Variants in LEO1 observed in about 807,000 individuals in gnomAD.
LEO1 encodes LEO1 component of Paf1/RNA polymerase II complex.
Under a neutral mutation model 80.4 loss-of-function variants are expected in LEO1, and 34 were observed. The ratio of observed to expected loss-of-function variants is 0.42; its 90% CI spans 0.32 to 0.56. The LOEUF is 0.56. Among genes scored for constraint, LEO1 ranks in the 20% least tolerant of loss-of-function variants. The pLI, the probability that LEO1 is intolerant of heterozygous loss-of-function variation, is 0.10. For synonymous variants in LEO1, 262 were observed against 274.9 expected (o/e 0.95, Z 0.46); for missense variants, 631 against 814.2 (o/e 0.77, Z 2.74).
chr15:51,964,785 TC>T (rs2057061731), intron 2 of LEO1, among the ~76,000 whole-genome samples: 1 of 152,168 alleles, frequency 6.6e-6, no homozygotes, highest in African/African-American at 2.4e-5. Flanking sequence ...AATGAAGCAA[TC>T]CAGGTATTTC....
chr15:51,950,581 G>A (rs1174604048), intron 9 of LEO1, among the ~76,000 whole-genome samples: 1 of 152,200 alleles, frequency 6.6e-6, no homozygotes, highest in Non-Finnish European at 1.5e-5. Context: ...GTTAAACCAG[G>A]TTGGGGGTAG....
intron 11 of LEO1, among the ~76,000 whole-genome samples, chr15:51,944,731 T>A (rs533853320): frequency 2.4e-4 from 36 of 150,228 alleles, no homozygotes; most frequent in Non-Finnish European, 5.0e-4. Context: ...ATAGTAATGA[T>A]ATCTTCATAA....
Position 51,966,252 on chromosome 15 carries a change from A to G in LEO1, c.311T>C (p.Val104Ala). ...SDHEDNDPSD[V>A]DQHSGSEAPN... ...GGCTTCTGATCCACTGTGCTGATCT[A>G]CATCTGAGGGGTCATTGTCCTCATG... The change falls in exon 2 of 12, where the codon GTA becomes GCA. Residue 104 changes from valine (V) to alanine (A), a missense_variant. Physicochemically the swap from Val to Ala is moderately conservative, Grantham distance 64. Around this residue, in one of 4 missense-constraint regions of LEO1, gnomAD observed 394 missense variants for 395.6 expected, o/e 1.00. Transcript: ENST00000299601. 6.2e-7 allele frequency: 1 copy of G among 1,614,026 alleles called. No homozygotes were observed. Among genetic ancestry groups the G allele is most frequent in the South Asian group, 1.1e-5 (1 of 91,086 alleles).
chr15:51,967,332 G>A (rs2057085947), intron 1 of LEO1, among the ~76,000 whole-genome samples: 1 of 152,170 alleles, frequency 6.6e-6, no homozygotes. Flanking sequence ...AGTTAGCCAG[G>A]TATGGTGGCG....
chr15:51,946,032 T>C (rs911192230), intron 11 of LEO1, among the ~76,000 whole-genome samples: 1 of 151,754 alleles, frequency 6.6e-6, no homozygotes, highest in Non-Finnish European at 1.5e-5. Context: ...AGACTCTGTC[T>C]TAAAAAAAAA....
intron 9 of LEO1, among the ~76,000 whole-genome samples, chr15:51,950,543 T>A (rs2056941225): frequency 6.6e-6 from 1 of 152,204 alleles, no homozygotes; most frequent in African/African-American, 2.4e-5. Context: ...TCATTTCCTT[T>A]GCACTGCCTG....
intron 10 of LEO1, among the ~76,000 whole-genome samples, chr15:51,947,707 G>A (rs528655930): frequency 1.3e-5 from 2 of 152,300 alleles, no homozygotes; most frequent in East Asian, 1.9e-4. Flanking sequence ...TTATAGGCGT[G>A]AGCCACTGTG....
At chr15:51,943,078 C>A (rs1010579168) in intron 11 of LEO1, among the ~76,000 whole-genome samples, 4 of 151,748 alleles carry the variant, frequency 2.6e-5, no homozygotes, top group Non-Finnish European at 4.4e-5. Context: ...CAAAGTGAGA[C>A]CCTCTGTGTA....
At position 51,938,093 on chromosome 15, in the gene LEO1, A is replaced by T. The variant is rs1248201132; in HGVS notation, c.*63T>A. 5.2e-6 allele frequency: 4 copies of T among 765,194 alleles called. No individual in the cohort carries two copies. The highest frequency in any genetic ancestry group is 8.4e-6 in the Non-Finnish European group (4 of 477,676). The allele number at this position is 765,194 out of a possible 1,614,324, so 47.4% of individuals were successfully genotyped here. ...AAATCGATTCATTTCAATCAAAATA[A>T]CTCATGTTTACATATTTATAACTGT... On this transcript the variant is annotated 3_prime_UTR_variant, in exon 12 of 12. Transcript: ENST00000299601.
intron 2 of LEO1, 150 bp from the exon 3 acceptor site, chr15:51,962,643 TG>T (rs1413007735): frequency 1.7e-6 from 1 of 593,980 alleles, no homozygotes; most frequent in African/African-American, 1.9e-5. Context: ...TGTAACCAAT[TG>T]GATGAATCAA....
chr15:51,939,061 T>G (rs139799429), intron 11 of LEO1, among the ~76,000 whole-genome samples: 433 of 152,286 alleles, frequency 2.8e-3, no homozygotes, highest in Non-Finnish European at 4.3e-3. Context: ...GGCGCACGCC[T>G]GTAATCCCAG....
intron 10 of LEO1, 50 bp downstream of exon 10, chr15:51,949,758 G>T: frequency 5.0e-6 from 7 of 1,408,740 alleles, no homozygotes; most frequent in Non-Finnish European, 5.9e-6. Flanking sequence ...ATGCCAAGAT[G>T]AAGTCCAGAA....
chr15:51,963,659 T>C (rs2057049812), intron 2 of LEO1, among the ~76,000 whole-genome samples: 1 of 152,092 alleles, frequency 6.6e-6, no homozygotes, highest in Non-Finnish European at 1.5e-5. Flanking sequence ...CCCAGCACTT[T>C]GGGAGGCCAA....
intron 11 of LEO1, among the ~76,000 whole-genome samples, chr15:51,940,275 A>G (rs2056838372): frequency 7.8e-6 from 1 of 128,500 alleles, no homozygotes; most frequent in Non-Finnish European, 1.6e-5. Flanking sequence ...AAAAAAAAAA[A>G]AAAGGTTGGG....
intron 3 of LEO1, among the ~76,000 whole-genome samples, chr15:51,962,135 C>A (rs1052738466): frequency 1.3e-5 from 2 of 149,464 alleles, no homozygotes; most frequent in African/African-American, 2.5e-5. Flanking sequence ...TGCACTCCAG[C>A]GTGGGTGACA....
chr15:51,968,801 C>T (rs1354523129), intron 1 of LEO1, among the ~76,000 whole-genome samples: 1 of 151,858 alleles, frequency 6.6e-6, no homozygotes, highest in Admixed American at 6.6e-5. Context: ...TGCACTCCAG[C>T]CTGGGCGACA....
intron 8 of LEO1, 21 bp downstream of exon 8, chr15:51,953,108 C>CACA (rs774375847): frequency 6.3e-7 from 1 of 1,593,282 alleles, no homozygotes; most frequent in South Asian, 1.1e-5. Flanking sequence ...AGAAATAATA[C>CACA]ATAATAATAA....
chr15:51,956,011 G>A (rs188614168), intron 6 of LEO1, among the ~76,000 whole-genome samples: 2 of 152,302 alleles, frequency 1.3e-5, no homozygotes, highest in Admixed American at 6.5e-5. Context: ...ACATGAAAGA[G>A]TTCATTATAT....
Position 51,962,424 on chromosome 15 carries a change from T to A in LEO1, c.884A>T (p.Asp295Val). 1.2e-6 allele frequency: 2 copies of A among 1,613,730 alleles called. No homozygotes were observed. The highest frequency in any genetic ancestry group is 1.7e-6 in the Non-Finnish European group (2 of 1,179,780). Reference protein sequence around the residue: ...RMKRKNAIASDSEADSDTEVP... With the variant: ...RMKRKNAIASVSEADSDTEVP... ...CTCAGTGTCACTATCCGCTTCTGAA[T>A]CAGATGCAATCGCATTCTTGCGTTT... Residue 295 changes from aspartate to valine, a missense_variant, in exon 3 of 12, where the codon GAT becomes GTT. Coordinates refer to ENST00000299601, the MANE Select transcript of LEO1 (RefSeq NM_138792.4).
Sources: allele counts gnomAD v4.1 joint callset (sites outside exome capture counted in the v4.1 genomes callset), GRCh38; gene constraint gnomAD v4.1.1; regional missense constraint gnomAD v4.1.1; transcripts MANE v1.5; gene names NCBI Gene and HGNC (gene_info 2026-07-23, HGNC 2026-07-21).